The following RALGAPA1 variants were observed in gnomAD, a reference collection of about 807,000 sequenced individuals.
RALGAPA1 encodes ral GTPase-activating protein subunit alpha-1.
A neutral mutation model predicts 269.6 loss-of-function variants in RALGAPA1; 52 were observed. That is an observed-to-expected ratio of 0.19 (90% CI 0.15 to 0.24). The LOEUF is 0.24. Among genes scored for constraint, RALGAPA1 ranks in the 10% least tolerant of loss-of-function variants. The pLI is 1.00. For synonymous variants in RALGAPA1, 817 were observed against 1,008.3 expected, an observed-to-expected ratio of 0.81 and a Z score of 3.60; for missense variants, 1,917 against 3,013.9, an observed-to-expected ratio of 0.64 and a Z score of 8.52.
intron 4 of RALGAPA1, 131 bp downstream of exon 4, chr14:35,770,811 T>C: frequency 2.7e-6 from 1 of 377,294 alleles, no homozygotes; most frequent in Non-Finnish European, 4.9e-6. Context: ...AGTCAATCTG[T>C]TCTTGTATTC....
chr14:35,663,048 G>T (rs1025799948), intron 27 of RALGAPA1, among the ~76,000 whole-genome samples: 7 of 152,006 alleles, frequency 4.6e-5, no homozygotes, highest in Admixed American at 1.3e-4. Context: ...GGGACCACAG[G>T]TGTGTGCAAC....
chr14:35,551,304 G>C (rs2054980210), intron 39 of RALGAPA1, among the ~76,000 whole-genome samples: 1 of 152,140 alleles, frequency 6.6e-6, no homozygotes, highest in East Asian at 1.9e-4. Context: ...CATTAGAAGT[G>C]AAGTATCTTG....
intron 33 of RALGAPA1, among the ~76,000 whole-genome samples, chr14:35,629,511 T>TA (rs1334916672): frequency 2.6e-5 from 4 of 152,146 alleles, no homozygotes; most frequent in Non-Finnish European, 4.4e-5. Context: ...TTTATTTATT[T>TA]TTTTATTTTT....
intron 37 of RALGAPA1, among the ~76,000 whole-genome samples, chr14:35,584,350 A>C (rs1360592466): frequency 6.6e-6 from 1 of 152,102 alleles, no homozygotes; most frequent in Admixed American, 6.6e-5. Flanking sequence ...TGCAGCCTCA[A>C]CTTCCCCAAG....
intron 31 of RALGAPA1, among the ~76,000 whole-genome samples, chr14:35,645,346 GGTGTGTGTGTGT>G (rs58039867): frequency 6.3e-4 from 81 of 129,562 alleles, no homozygotes; most frequent in South Asian, 1.1e-3. Context: ...TATAGAGATG[GGTGTGTGTGTGT>G]GTGTGTGTGT....
At chr14:35,679,915 T>C (rs1292971932) in intron 21 of RALGAPA1, among the ~76,000 whole-genome samples, 1 of 152,142 alleles carries the variant, frequency 6.6e-6, no homozygotes, top group African/African-American at 2.4e-5. Context: ...TGTTACATAG[T>C]AGGTGAAAAG....
chr14:35,743,865 T>C (rs1170786304), intron 10 of RALGAPA1, among the ~76,000 whole-genome samples: 1 of 152,106 alleles, frequency 6.6e-6, no homozygotes, highest in African/African-American at 2.4e-5. Flanking sequence ...AAAAATCTCA[T>C]TGTTATTCTT....
intron 37 of RALGAPA1, among the ~76,000 whole-genome samples, chr14:35,589,508 C>A (rs2138890369): frequency 6.6e-6 from 1 of 151,734 alleles, no homozygotes; most frequent in East Asian, 1.9e-4. Flanking sequence ...TGTTGTATAT[C>A]ATAAATATAT....
intron 12 of RALGAPA1, among the ~76,000 whole-genome samples, chr14:35,731,172 A>G (rs954910966): frequency 2.0e-5 from 3 of 152,220 alleles, no homozygotes; most frequent in Non-Finnish European, 4.4e-5. Context: ...AGCCACATCC[A>G]TAGGAAAAGG....
At chr14:35,566,760 A>G (rs931127032) in intron 39 of RALGAPA1, among the ~76,000 whole-genome samples, 1 of 151,558 alleles carries the variant, frequency 6.6e-6, no homozygotes, top group Admixed American at 6.6e-5. Context: ...ATCTTAAAAT[A>G]CAAATGTCTA....
chr14:35,565,139 G>A (rs1326473078), intron 39 of RALGAPA1, among the ~76,000 whole-genome samples: 1 of 151,838 alleles, frequency 6.6e-6, no homozygotes, highest in Non-Finnish European at 1.5e-5. Flanking sequence ...CTTGTTGATA[G>A]TTAAACTGTA....
intron 1 of RALGAPA1, among the ~76,000 whole-genome samples, chr14:35,802,023 GAA>G (rs1298930658): frequency 3.2e-4 from 48 of 152,254 alleles, no homozygotes; most frequent in African/African-American, 1.1e-3. Context: ...AAAACTAACA[GAA>G]CTGGCTGGGT....
Position 35,592,004 on chromosome 14 carries a change from G to A in RALGAPA1, c.7209+3630C>T, listed in dbSNP as rs114393293. 9.3e-3 allele frequency among the ~76,000 whole-genome samples: 1,411 copies of A among 152,292 alleles called. 28 individuals carry two copies. Among genetic ancestry groups the A allele is most frequent in the African/African-American group, 0.032 (1,346 of 41,556 alleles). On this transcript the variant is annotated intron_variant, in intron 37 of 41. Coordinates refer to ENST00000680220, the MANE Select transcript of RALGAPA1 (RefSeq NM_001346249.2). ...CCTTTGCCTTTTGCCACGATTGTAA[G>A]TTTCCTGAGGCCTCTCCAGCCTTGT... is the stretch of plus-strand genomic sequence containing the variant.
intron 17 of RALGAPA1, among the ~76,000 whole-genome samples, chr14:35,690,743 A>G (rs1446846420): frequency 6.6e-6 from 1 of 152,144 alleles, no homozygotes; most frequent in African/African-American, 2.4e-5. Context: ...ATCAAGCTCT[A>G]AAAACTATAT....
intron 10 of RALGAPA1, 24 bp downstream of exon 10, chr14:35,748,561 T>C: frequency 5.1e-6 from 8 of 1,577,572 alleles, no homozygotes; most frequent in Non-Finnish European, 6.9e-6. Context: ...CCTTATAAAT[T>C]AAAAATACTG....
At chr14:35,627,024 G>C (rs926339564) in intron 34 of RALGAPA1, 66 bp downstream of exon 34, 186 of 1,352,116 alleles carry the variant, frequency 1.4e-4, no homozygotes, top group Admixed American at 2.4e-4. Flanking sequence ...AAAATAAAAT[G>C]CTTTATCAGA....
rs1176567755 is a variant in RALGAPA1 at position 35,539,453 on chromosome 14, T to C, written c.*261A>G. The stretch of plus-strand genomic sequence containing the variant: ...ATAAATGTACAGGAAGAAACATGCA[T>C]GTTATGGCAGACATGAAGGCCTGAA... On this transcript the variant is annotated 3_prime_UTR_variant, in exon 42 of 42. Transcript: ENST00000680220. 16 of 1,286,938 alleles carry C rather than the reference T, an allele frequency of 1.2e-5. No homozygotes were observed. The South Asian group carries it at 3.2e-4, about 25-fold the overall frequency. The allele number at this position is 1,286,938 out of a possible 1,614,324, so 79.7% of individuals were successfully genotyped here.
At chr14:35,586,104 T>A (rs917069284) in intron 37 of RALGAPA1, among the ~76,000 whole-genome samples, 1 of 152,252 alleles carries the variant, frequency 6.6e-6, no homozygotes, top group Non-Finnish European at 1.5e-5. Context: ...TTCTTCTATT[T>A]GTTTGTGTCC....
rs115944995 is a variant in RALGAPA1 at position 35,676,699 on chromosome 14, T to A, written c.4624+1251A>T. ...TTATTAGGACATATCCACTGACATG[T>A]TTAGGTCTGAAGGATCTGATATTTG... On this transcript the variant is annotated intron_variant, in intron 22 of 41. Coordinates refer to ENST00000680220, the MANE Select transcript of RALGAPA1 (RefSeq NM_001346249.2). 2.2e-3 allele frequency: 330 copies of A among 152,320 alleles called. 3 individuals carry two copies. Among genetic ancestry groups the A allele is most frequent in the African/African-American group, 7.6e-3 (317 of 41,566 alleles). 9.4% of individuals were successfully genotyped at this position (152,320 alleles called of 1,614,324 possible). A position where few individuals can be genotyped will look rare whatever the true frequency, so the allele number is the denominator to read the frequency against.
Sources: allele counts gnomAD v4.1 joint callset (sites outside exome capture counted in the v4.1 genomes callset), GRCh38; gene constraint gnomAD v4.1.1; transcripts MANE v1.5; gene names NCBI Gene and HGNC (gene_info 2026-07-23, HGNC 2026-07-21).